EDIL3: variants seen among roughly 807,000 people sequenced by gnomAD.
EDIL3 encodes the protein EGF like and discoidin domains 3, also known as EGF-like repeat and discoidin I-like domain-containing protein 3.
In EDIL3, 37 loss-of-function variants were observed where a neutral mutation model predicts 67.4. That is an observed-to-expected ratio of 0.55 (90% confidence interval 0.42 to 0.72). EDIL3 has a LOEUF of 0.72. EDIL3 is among the 30% of genes least tolerant of loss of function. The pLI, the probability that EDIL3 is intolerant of heterozygous loss-of-function variation, is 0.00. For missense variants in EDIL3, 527 were observed against 586.3 expected, an observed-to-expected ratio of 0.90 and a Z score of 1.04; for synonymous variants, 195 against 196.3, an observed-to-expected ratio of 0.99 and a Z score of 0.05.
At chr5:84,052,131 C>A (rs997232531) in intron 9 of EDIL3, among the ~76,000 whole-genome samples, 1 of 152,330 alleles carries the variant, frequency 6.6e-6, no homozygotes, top group African/African-American at 2.4e-5. Flanking sequence ...CTCTACAAGC[C>A]AGAAGAGAGT....
At chr5:84,245,914 TAAA>T (rs35831418) in intron 2 of EDIL3, among the ~76,000 whole-genome samples, 5,481 of 143,974 alleles carry the variant, frequency 0.038, 131 homozygotes, top group Middle Eastern at 0.06. Context: ...TTCTAAAATG[TAAA>T]AAAAAAAAAA....
At position 84,038,718 on chromosome 5, in the gene EDIL3, G is replaced by C. The variant is rs562156366; in HGVS notation, c.1137+21582C>G. Among the ~76,000 whole-genome samples, 64 of 152,332 alleles carry C rather than the reference G, an allele frequency of 4.2e-4. No homozygotes were observed. The South Asian group carries it at 0.013, about 32-fold the overall frequency. ...AGAGCTGCTGTGGAAAAATCCAGGG[G>C]TCTAGGTGTTTTTTGGAATATACAA... On this transcript the variant is annotated intron_variant, in intron 9 of 10. Transcript: ENST00000296591.
intron 9 of EDIL3, among the ~76,000 whole-genome samples, chr5:84,035,792 T>C (rs1157542606): frequency 6.6e-6 from 1 of 152,204 alleles, no homozygotes. Context: ...TGCTCAAATA[T>C]CCTTTCTCAG....
intron 9 of EDIL3, among the ~76,000 whole-genome samples, chr5:83,998,625 A>G (rs892070338): frequency 6.6e-6 from 1 of 152,174 alleles, no homozygotes; most frequent in African/African-American, 2.4e-5. Flanking sequence ...ATAAAGCATC[A>G]GAGACTCCCA....
intron 1 of EDIL3, among the ~76,000 whole-genome samples, chr5:84,301,542 C>T (rs1164037940): frequency 6.6e-6 from 1 of 152,112 alleles, no homozygotes; most frequent in African/African-American, 2.4e-5. Context: ...TGGTCAGCTC[C>T]TTCTTGCTAA....
At chr5:84,183,701 T>A (rs1749053608) in intron 3 of EDIL3, among the ~76,000 whole-genome samples, 1 of 152,162 alleles carries the variant, frequency 6.6e-6, no homozygotes. Flanking sequence ...GTAATTTATA[T>A]CACAGAGAAA....
At chr5:84,199,757 T>C (rs1488485832) in intron 3 of EDIL3, among the ~76,000 whole-genome samples, 1 of 152,056 alleles carries the variant, frequency 6.6e-6, no homozygotes, top group African/African-American at 2.4e-5. Flanking sequence ...TGTCGTGGGA[T>C]TGAAGGGACT....
chr5:84,229,541 AT>A (rs1744523890), intron 3 of EDIL3, among the ~76,000 whole-genome samples: 1 of 151,476 alleles, frequency 6.6e-6, no homozygotes, highest in East Asian at 1.9e-4. Flanking sequence ...TCACTGTATT[AT>A]TTTTCTGTAT....
chr5:84,168,496 A>G (rs1403005283), intron 4 of EDIL3, among the ~76,000 whole-genome samples: 1 of 152,162 alleles, frequency 6.6e-6, no homozygotes, highest in Non-Finnish European at 1.5e-5. Flanking sequence ...ATTCTATCTT[A>G]ATGATGCTGT....
chr5:83,981,590 A>G (rs538919026), intron 9 of EDIL3, among the ~76,000 whole-genome samples: 1 of 152,204 alleles, frequency 6.6e-6, no homozygotes, highest in East Asian at 1.9e-4. Flanking sequence ...CTATATATTT[A>G]GTTTTTGTGT....
intron 4 of EDIL3, among the ~76,000 whole-genome samples, chr5:84,143,970 G>T (rs528217611): frequency 1.1e-4 from 16 of 152,076 alleles, no homozygotes; most frequent in African/African-American, 3.9e-4. Context: ...GCTTGGGGCA[G>T]GTGCTCCAGC....
Position 84,374,807 on chromosome 5 carries a change from C to T in EDIL3, c.67+9501G>A, listed in dbSNP as rs891139821. On this transcript the variant is annotated intron_variant, in intron 1 of 10. Transcript: ENST00000296591. ...GTTTTATAAGTGTTTGGAAGTTCCT[C>T]CTTCCCTATTCCCTCTCTTGCTGCC... is the stretch of plus-strand genomic sequence containing the variant. 5.3e-5 allele frequency among the ~76,000 whole-genome samples: 8 copies of T among 152,134 alleles called. No individual in the cohort carries two copies. In the South Asian group the frequency reaches 1.2e-3, roughly 24 times the overall value.
At chr5:84,337,959 G>T (rs1005189175) in intron 1 of EDIL3, among the ~76,000 whole-genome samples, 1 of 151,974 alleles carries the variant, frequency 6.6e-6, no homozygotes, top group Non-Finnish European at 1.5e-5. Flanking sequence ...TTTAAGACAC[G>T]CTTCTGTGTT....
intron 3 of EDIL3, among the ~76,000 whole-genome samples, chr5:84,211,576 G>T (rs543191986): frequency 1.1e-4 from 17 of 152,254 alleles, no homozygotes; most frequent in African/African-American, 4.1e-4. Context: ...AGAAACAGGA[G>T]AAAAGACACA....
chr5:84,008,436 G>GA (rs1387177213), intron 9 of EDIL3, among the ~76,000 whole-genome samples: 6 of 151,626 alleles, frequency 4.0e-5, no homozygotes, highest in African/African-American at 7.3e-5. Context: ...CCACAAAAAT[G>GA]AAAAAAATAT....
intron 6 of EDIL3, among the ~76,000 whole-genome samples, chr5:84,075,636 T>C (rs1261341744): frequency 6.6e-6 from 1 of 152,072 alleles, no homozygotes; most frequent in African/African-American, 2.4e-5. Context: ...CCACCACTCC[T>C]GGCTAATTTT....
At chr5:84,378,358 T>C (rs960932818) in intron 1 of EDIL3, among the ~76,000 whole-genome samples, 26 of 152,310 alleles carry the variant, frequency 1.7e-4, no homozygotes, top group African/African-American at 6.0e-4. Context: ...TCTTATATGG[T>C]GATACACTTA....
At chr5:84,050,429 C>T (rs1185065711) in intron 9 of EDIL3, among the ~76,000 whole-genome samples, 1 of 152,160 alleles carries the variant, frequency 6.6e-6, no homozygotes, top group African/African-American at 2.4e-5. Context: ...AACTGAGGTA[C>T]CAGGTTCATC....
chr5:83,985,167 A>T (rs984144695), intron 9 of EDIL3, among the ~76,000 whole-genome samples: 41 of 151,646 alleles, frequency 2.7e-4, no homozygotes, highest in Middle Eastern at 3.4e-3. Context: ...TGCTAATCGT[A>T]TGCTATATTT....
Sources: gnomAD v4.1 joint callset for allele counts (sites outside exome capture counted in the v4.1 genomes callset) on GRCh38, gnomAD v4.1.1 for gene constraint, MANE v1.5 for transcripts, NCBI Gene and HGNC (gene_info 2026-07-23, HGNC 2026-07-21) for gene names.